Variants in EZR observed in about 807,000 individuals in gnomAD.
EZR encodes the protein cytovillin 2.
A neutral mutation model predicts 74.8 loss-of-function variants in EZR; 40 were observed. The observed-to-expected ratio is 0.53, with a 90% CI of 0.42 to 0.70. EZR has a LOEUF of 0.70. Ranked by LOEUF, EZR falls within the 30% of genes least tolerant of loss-of-function variation. EZR has a pLI of 0.00. For missense variants in EZR, 678 were observed against 755.8 expected (o/e 0.90, Z 1.21); for synonymous variants, 341 against 283.3 (o/e 1.20, Z -2.05).
At chr6:158,810,582 T>C (rs1410736942) in intron 2 of EZR, among the ~76,000 whole-genome samples, 1 of 152,228 alleles carries the variant, frequency 6.6e-6, no homozygotes, top group Non-Finnish European at 1.5e-5. Context: ...CCCATGTGAC[T>C]GATAAGGGAA....
At chr6:158,779,841 G>A (rs1257624346) in intron 7 of EZR, among the ~76,000 whole-genome samples, 1 of 152,020 alleles carries the variant, frequency 6.6e-6, no homozygotes, top group Non-Finnish European at 1.5e-5. Flanking sequence ...CTCCCAAAGT[G>A]CTGGGATTAC....
chr6:158,785,272 G>A (rs1791544937), intron 5 of EZR, 37 bp downstream of exon 5: 1 of 1,605,092 alleles, frequency 6.2e-7, no homozygotes, highest in Non-Finnish European at 8.5e-7. Context: ...AGGACGGCAT[G>A]ACTGCTCCTG....
rs188104684 is a variant in EZR at position 158,799,899 on chromosome 6, T to C, written c.13-10528A>G. Among the ~76,000 whole-genome samples, 10 of 152,370 alleles carry C rather than the reference T, an allele frequency of 6.6e-5. No individual in the cohort carries two copies. In the East Asian group the frequency reaches 1.9e-3, roughly 29 times the overall value. On this transcript the variant is annotated intron_variant, in intron 2 of 13. Transcript: ENST00000367075. ...AATATAACTTTGTTTCCATGTATTA[T>C]ATGAAGCGAACATCTTTCTTACATG...
chr6:158,815,961 AAAATG>A (rs1198951674), intron 2 of EZR, among the ~76,000 whole-genome samples: 1 of 152,252 alleles, frequency 6.6e-6, no homozygotes, highest in Non-Finnish European at 1.5e-5. Context: ...CCTCTAAAAC[AAAATG>A]AAATGAAAAC....
rs565261202 is a variant in EZR, at chr6:158,773,785, A to G, written c.796-2378T>C. 2.3e-4 allele frequency among the ~76,000 whole-genome samples: 35 copies of G among 152,372 alleles called. No homozygotes were observed. In the South Asian group the frequency reaches 6.2e-3, roughly 27 times the overall value. ...AGGAGTCAGAGCGGAAACGCTGCTT[A>G]CTTTCTCCAAATTTCAGATGCCTCA... On this transcript the variant is annotated intron_variant, in intron 8 of 13. Transcript: ENST00000367075.
At position 158,767,443 on chromosome 6, in the gene EZR, G is replaced by A. The variant is rs71565720; in HGVS notation, c.1414C>T (p.Pro472Ser). The A allele has an allele frequency of 9.3e-6, 15 of 1,612,822 alleles. No individual in the cohort carries two copies. The highest frequency in any genetic ancestry group is 1.2e-5 in the Non-Finnish European group (14 of 1,179,190). Residue 472 changes from proline to serine, a missense_variant, in exon 13 of 14, where the codon CCC becomes TCC. Physicochemically the swap from Pro to Ser is moderately conservative, Grantham distance 74 (BLOSUM62 -1). This residue lies in a region of EZR where 342 missense variants were observed against 341.2 expected (regional missense o/e 1.00). Coordinates refer to ENST00000367075, the MANE Select transcript of EZR (RefSeq NM_001111077.2). Reference sequence around the variant, plus strand: ...GGCTCGTACACGGGGGGTGGTGGGGGCGGGGGTGCTGTCATCACCAGGTGC... The same window carrying A: ...GGCTCGTACACGGGGGGTGGTGGGGACGGGGGTGCTGTCATCACCAGGTGC... The part of the protein sequence containing the change: ...ELHLVMTAPP[P>S]PPPPVYEPVS...
At chr6:158,791,957 C>T (rs950169313) in intron 2 of EZR, among the ~76,000 whole-genome samples, 1 of 151,962 alleles carries the variant, frequency 6.6e-6, no homozygotes, top group African/African-American at 2.4e-5. Flanking sequence ...ATCTGCCTGC[C>T]TCGGCCTCCC....
Position 158,783,504 on chromosome 6 carries a change from G to A in EZR, c.698+16C>T. The A allele has an allele frequency of 1.9e-6, 3 of 1,604,746 alleles. No homozygotes were observed. Among genetic ancestry groups the A allele is most frequent in the Non-Finnish European group, 8.5e-7 (1 of 1,173,950 alleles). On this transcript the variant is annotated intron_variant, in intron 7 of 13. Transcript: ENST00000367075. ...ACCACCCTACCTACTGAAGATAACT[G>A]TGAACTTCAACTCACTTATCATCTT...
At chr6:158,792,057 G>T (rs1791763525) in intron 2 of EZR, among the ~76,000 whole-genome samples, 1 of 152,022 alleles carries the variant, frequency 6.6e-6, no homozygotes, top group South Asian at 2.1e-4. Flanking sequence ...AAGACAGTGT[G>T]AAAATGACAT....
Position 158,766,968 on chromosome 6 carries a change from C to A in EZR, c.1707G>T (p.Arg569=). The change falls in exon 14 of 14, where the codon CGG becomes CGT. Residue 569 remains arginine (R), a synonymous_variant. Coordinates refer to ENST00000367075, the MANE Select transcript of EZR (RefSeq NM_001111077.2). ...GCTTGGTGTTGCCCTGCCGGATCTG[C>A]CGCAGCGTCTTGTACTTGTCCCGGC... is the stretch of plus-strand genomic sequence containing the variant. ...RQGRDKYKTL[R]QIRQGNTKQR... The A allele has an allele frequency of 1.2e-6, 2 of 1,614,204 alleles. No homozygotes were observed. Among genetic ancestry groups the A allele is most frequent in the Non-Finnish European group, 1.7e-6 (2 of 1,180,032 alleles).
chr6:158,811,287 A>G (rs1398647028), intron 2 of EZR, among the ~76,000 whole-genome samples: 1 of 152,060 alleles, frequency 6.6e-6, no homozygotes, highest in East Asian at 1.9e-4. Context: ...GATAATTCAA[A>G]ATGCATTCAC....
intron 10 of EZR, 97 bp from the exon 11 acceptor site, chr6:158,770,041 AC>A: frequency 6.6e-7 from 1 of 1,508,250 alleles, no homozygotes; most frequent in Non-Finnish European, 8.9e-7. Context: ...AGAGCCCTAG[AC>A]CAAGTCACAG....
intron 2 of EZR, among the ~76,000 whole-genome samples, chr6:158,817,150 A>AC (rs1777575184): frequency 6.6e-6 from 1 of 152,230 alleles, no homozygotes; most frequent in African/African-American, 2.4e-5. Context: ...AACCAAAAAA[A>AC]AATTCCAGAT....
intron 7 of EZR, among the ~76,000 whole-genome samples, chr6:158,783,125 T>C (rs1791475859): frequency 6.6e-6 from 1 of 152,096 alleles, no homozygotes; most frequent in Non-Finnish European, 1.5e-5. Context: ...CCATCAATAT[T>C]CTTGGTTGGA....
chr6:158,794,762 T>C (rs1461740620), intron 2 of EZR, among the ~76,000 whole-genome samples: 2 of 152,166 alleles, frequency 1.3e-5, no homozygotes, highest in East Asian at 3.8e-4. Flanking sequence ...AAGGGCAATA[T>C]TTCTCCCAGG....
At position 158,784,643 on chromosome 6, in the gene EZR, C is replaced by T; in HGVS notation, c.551+1G>A. The T allele has an allele frequency of 6.2e-7, 1 of 1,613,982 alleles. No individual in the cohort carries two copies. Among genetic ancestry groups the T allele is most frequent in the Non-Finnish European group, 8.5e-7 (1 of 1,179,804 alleles). On this transcript the variant is annotated splice_donor_variant, in intron 6 of 13. Coordinates refer to ENST00000367075, the MANE Select transcript of EZR (RefSeq NM_001111077.2). LOFTEE classifies it high-confidence loss of function. ...TCCCAACAGCAGGGCACAGCACTCA[C>T]TTGAGCATCCCACGGTGTTCCGCAT...
chr6:158,818,661 G>A (rs1463971899), intron 1 of EZR, among the ~76,000 whole-genome samples: 1 of 151,086 alleles, frequency 6.6e-6, no homozygotes, highest in African/African-American at 2.4e-5. Context: ...GCGGAGAGAG[G>A]CGGAGAAGAG....
chr6:158,776,616 A>AACC (rs1259992184), intron 7 of EZR, 112 bp from the exon 8 acceptor site: 1 of 744,940 alleles, frequency 1.3e-6, no homozygotes, highest in Non-Finnish European at 2.2e-6. Context: ...ATATGAAGCT[A>AACC]ACCCAAGAGG....
chr6:158,795,239 G>A (rs972115970), intron 2 of EZR, among the ~76,000 whole-genome samples: 5 of 152,156 alleles, frequency 3.3e-5, no homozygotes, highest in Admixed American at 2.6e-4. Context: ...GTGACAGGGT[G>A]AGACTCCATC....
Sources: allele counts gnomAD v4.1 joint callset (sites outside exome capture counted in the v4.1 genomes callset), GRCh38; gene constraint gnomAD v4.1.1; regional missense constraint gnomAD v4.1.1; transcripts MANE v1.5; gene names NCBI Gene and HGNC (gene_info 2026-07-23, HGNC 2026-07-21).